Variants in TDRD15 observed in about 807,000 individuals in gnomAD.
TDRD15 encodes tudor domain-containing protein 15.
For synonymous variants in TDRD15, 503 were observed against 314.5 expected (o/e 1.60, Z -6.34); for missense variants, 1,416 against 904.7 (o/e 1.57, Z -7.25).
At position 21,138,073 on chromosome 2, in the gene TDRD15, A is replaced by G; in HGVS notation, c.606A>G (p.Gln202=). The stretch of plus-strand genomic sequence containing the variant: ...TGGAAATGTTAGAAGAATTCCCTCA[A>G]CAAATGCCAGATTTATTACAACATA... ...LIVEMLEEFP[Q]QMPDLLQHKR... is the part of the protein sequence containing the mutation. Residue 202 remains glutamine (Q), a synonymous_variant, in exon 4 of 4, where the codon CAA becomes CAG. Coordinates refer to ENST00000405799, the MANE Select transcript of TDRD15 (RefSeq NM_001306137.2). 4.2e-6 allele frequency: 3 copies of G among 716,132 alleles called. No homozygotes were observed. Among genetic ancestry groups the G allele is most frequent in the Non-Finnish European group, 7.8e-6 (3 of 384,346 alleles). The allele number at this position is 716,132 out of a possible 1,614,324, so 44.4% of individuals were successfully genotyped here. A position where few individuals can be genotyped will look rare whatever the true frequency, so the allele number is the denominator to read the frequency against.
chr2:21,146,032 G>A (rs113861788), downstream of TDRD15, among the ~76,000 whole-genome samples: 1 of 151,890 alleles, frequency 6.6e-6, no homozygotes, highest in African/African-American at 2.4e-5. Flanking sequence ...TTTACTAATG[G>A]GTGTTTAAAG....
Position 21,139,758 on chromosome 2 carries a change from G to C in TDRD15, c.2291G>C (p.Cys764Ser), listed in dbSNP as rs1175518713. ...ACAGTTCTTGAAGTTAAATGTTCCT[G>C]TTATTATGGCCCAGGTGACTTTTCA... ...PGTVLEVKCS[C>S]YYGPGDFSCQ... Residue 764 changes from cysteine (C) to serine (S), a missense_variant, in exon 4 of 4, where the codon TGT becomes TCT. Coordinates refer to ENST00000405799, the MANE Select transcript of TDRD15 (RefSeq NM_001306137.2). 3 of 715,416 alleles carry C rather than the reference G, an allele frequency of 4.2e-6. No homozygotes were observed. In the Admixed American group the frequency reaches 6.0e-5, roughly 14 times the overall value. The allele number at this position is 715,416 out of a possible 1,614,324, so 44.3% of individuals were successfully genotyped here.
chr2:21,139,185 C>A lies in TDRD15; in HGVS notation c.1718C>A (p.Ser573Tyr). 1 of 714,482 alleles carries A rather than the reference C, an allele frequency of 1.4e-6. No individual in the cohort carries two copies. Among genetic ancestry groups the A allele is most frequent in the South Asian group, 1.5e-5 (1 of 67,006 alleles). The allele number at this position is 714,482 out of a possible 1,614,324, so 44.3% of individuals were successfully genotyped here. ...VYFLDYGNTD[S>Y]IPFFDVKILL... The stretch of plus-strand genomic sequence containing the variant: ...TTTTTGGATTATGGTAATACTGATT[C>A]CATACCATTTTTTGATGTAAAAATT... The change falls in exon 4 of 4, where the codon TCC (serine) becomes TAC (tyrosine). Residue 573 changes from serine to tyrosine, a missense_variant. By Grantham distance (144) the Ser-to-Tyr change is moderately radical. Transcript: ENST00000405799.
chr2:21,137,167 A>C (rs1447715253), intron 3 of TDRD15, among the ~76,000 whole-genome samples: 2 of 151,952 alleles, frequency 1.3e-5, no homozygotes, highest in Non-Finnish European at 1.5e-5. Flanking sequence ...GGAATTTGTT[A>C]AAGTTTCTGG....
chr2:21,130,165 C>T (rs1164988295), intron 2 of TDRD15, among the ~76,000 whole-genome samples: 2 of 152,162 alleles, frequency 1.3e-5, no homozygotes, highest in Non-Finnish European at 2.9e-5. Flanking sequence ...ACATTTAAAC[C>T]ATAGTAGTCA....
At chr2:21,128,255 T>C (rs1277807042) in intron 2 of TDRD15, among the ~76,000 whole-genome samples, 2 of 152,134 alleles carry the variant, frequency 1.3e-5, no homozygotes, top group African/African-American at 4.8e-5. Context: ...TATTTTTATG[T>C]TAAGGATGCT....
chr2:21,145,606 A>C (rs948159798), downstream of TDRD15, among the ~76,000 whole-genome samples: 2 of 152,062 alleles, frequency 1.3e-5, no homozygotes, highest in Non-Finnish European at 2.9e-5. Flanking sequence ...TGTAAGGAAA[A>C]AAATCAAGAC....
In TDRD15 at chr2:21,138,285, A is replaced by G. The variant is rs1322054641; in HGVS notation, c.818A>G (p.His273Arg). 3 of 716,400 alleles carry G rather than the reference A, an allele frequency of 4.2e-6. No individual in the cohort carries two copies. The highest frequency in any genetic ancestry group is 3.5e-5 in the African/African-American group (2 of 57,186). The allele number at this position is 716,400 out of a possible 1,614,324, so 44.4% of individuals were successfully genotyped here. A position where few individuals can be genotyped will look rare whatever the true frequency, so the allele number is the denominator to read the frequency against. The change falls in exon 4 of 4, where the codon CAT becomes CGT. Residue 273 changes from histidine to arginine, a missense_variant. By Grantham distance (29) the His-to-Arg change is conservative. Coordinates refer to ENST00000405799, the MANE Select transcript of TDRD15 (RefSeq NM_001306137.2). ...CCAGAGCTAGAAAACTTGACAGCAC[A>G]TATGACTTTGCATTATGATACCGTC... ...WTPELENLTA[H>R]MTLHYDTVCQ...
chr2:21,135,441 G>C (rs970618120), intron 3 of TDRD15, among the ~76,000 whole-genome samples: 1 of 151,750 alleles, frequency 6.6e-6, no homozygotes, highest in African/African-American at 2.4e-5. Context: ...CCTCTGGTGA[G>C]TATCACATGG....
intron 3 of TDRD15, 114 bp downstream of exon 3, chr2:21,134,961 G>A (rs1665780034): frequency 6.7e-6 from 1 of 148,534 alleles, no homozygotes; most frequent in Non-Finnish European, 1.5e-5. Flanking sequence ...TTTGTTCATT[G>A]TGTAAAATAA....
At position 21,137,644 on chromosome 2, in the gene TDRD15, T is replaced by C; in HGVS notation, c.177T>C (p.Asn59=). ...AACATACTCCAAAAGTGAAAAATAA[T>C]GTGGAAATTGATGAATTTTGTTTGG... The part of the protein sequence containing the change: ...EIQHTPKVKN[N]VEIDEFCLVE... The change falls in exon 4 of 4, where the codon AAT becomes AAC. Residue 59 remains asparagine, a synonymous_variant. Transcript: ENST00000405799. The C allele has an allele frequency of 1.4e-6, 1 of 713,230 alleles. No individual in the cohort carries two copies. Among genetic ancestry groups the C allele is most frequent in the Non-Finnish European group, 2.6e-6 (1 of 383,584 alleles). 44.2% of individuals were successfully genotyped at this position (713,230 alleles called of 1,614,324 possible). A position where few individuals can be genotyped will look rare whatever the true frequency, so the allele number is the denominator to read the frequency against.
Position 21,137,312 on chromosome 2 carries a change from CGTCTCAT to C in TDRD15, c.-3-152_-3-146del, listed in dbSNP as rs369705902. The stretch of plus-strand genomic sequence containing the variant: ...TGTTAGATTTTGTTTATTTCACCAG[CGTCTCAT>C]TCGATATGTATAATTTTTATCAACA... On this transcript the variant is annotated intron_variant, in intron 3 of 3. Transcript: ENST00000405799. Among the ~76,000 whole-genome samples, 214 of 152,036 alleles carry C rather than the reference CGTCTCAT, an allele frequency of 1.4e-3. 1 individual carries two copies. The highest frequency in any genetic ancestry group is 4.3e-3 in the African/African-American group (177 of 41,498).
Position 21,144,239 on chromosome 2 carries a change from G to T in TDRD15, c.*967G>T, listed in dbSNP as rs1665996138. Among the ~76,000 whole-genome samples the T allele has an allele frequency of 6.6e-6, 1 of 151,666 alleles. No homozygotes were observed. The highest frequency in any genetic ancestry group is 1.5e-5 in the Non-Finnish European group (1 of 67,762). On this transcript the variant is annotated 3_prime_UTR_variant, in exon 4 of 4. Transcript: ENST00000405799. ...TTAATATTTTATGCACTACAGTATTGTCTGATTTTGTTTATCCACATTACA... is the reference window on the plus strand; with the variant it reads ...TTAATATTTTATGCACTACAGTATTTTCTGATTTTGTTTATCCACATTACA...
intron 1 of TDRD15, 82 bp downstream of exon 1, chr2:21,124,128 C>T (rs889609218): frequency 6.5e-6 from 1 of 152,712 alleles, no homozygotes; most frequent in African/African-American, 2.4e-5. Flanking sequence ...TTTTCTCCTC[C>T]GACCTACAGG....
At chr2:21,145,642 TG>T (rs1276228214), downstream of TDRD15, among the ~76,000 whole-genome samples, 24 of 152,032 alleles carry the variant, frequency 1.6e-4, no homozygotes, top group Admixed American at 1.5e-3. Context: ...ATAAGAAATA[TG>T]GTTTCACGGA....
intron 3 of TDRD15, among the ~76,000 whole-genome samples, chr2:21,136,356 T>C (rs910014502): frequency 6.6e-6 from 1 of 152,048 alleles, no homozygotes; most frequent in African/African-American, 2.4e-5. Flanking sequence ...TTATTTTTAT[T>C]TTAGGTTTTA....
chr2:21,134,239 T>C (rs1410052942), intron 2 of TDRD15, among the ~76,000 whole-genome samples: 1 of 151,942 alleles, frequency 6.6e-6, no homozygotes, highest in Admixed American at 6.6e-5. Flanking sequence ...TGTGATGCTG[T>C]GTATTTTTTA....
At chr2:21,129,666 G>A (rs1665679926) in intron 2 of TDRD15, among the ~76,000 whole-genome samples, 1 of 152,122 alleles carries the variant, frequency 6.6e-6, no homozygotes, top group African/African-American at 2.4e-5. Flanking sequence ...TCACTTTTCT[G>A]ATGGGTCCTT....
Position 21,141,033 on chromosome 2 carries a change from C to T in TDRD15, c.3566C>T (p.Thr1189Ile), listed in dbSNP as rs781285383. Reference protein sequence around the residue: ...HNVINKPSPVTYSERKIDQLM... With the variant: ...HNVINKPSPVIYSERKIDQLM... The stretch of plus-strand genomic sequence containing the variant: ...GTGATAAATAAACCTAGTCCAGTAA[C>T]ATATTCCGAAAGAAAAATAGACCAA... The change falls in exon 4 of 4, where the codon ACA becomes ATA. Residue 1189 changes from threonine (T) to isoleucine (I), a missense_variant. Coordinates refer to ENST00000405799, the MANE Select transcript of TDRD15 (RefSeq NM_001306137.2). 1.4e-6 allele frequency: 1 copy of T among 708,142 alleles called. No individual in the cohort carries two copies. The highest frequency in any genetic ancestry group is 1.5e-5 in the South Asian group (1 of 65,418). 43.9% of individuals were successfully genotyped at this position (708,142 alleles called of 1,614,324 possible).
Sources: gnomAD v4.1 joint callset for allele counts (sites outside exome capture counted in the v4.1 genomes callset) on GRCh38, gnomAD v4.1.1 for gene constraint, MANE v1.5 for transcripts, NCBI Gene and HGNC (gene_info 2026-07-23, HGNC 2026-07-21) for gene names.